The following EXOC6B variants were observed in gnomAD, a reference collection of about 807,000 sequenced individuals.
EXOC6B encodes SEC15 homolog B.
Under a neutral mutation model 113.5 loss-of-function variants are expected in EXOC6B, and 54 were observed. The ratio of observed to expected loss-of-function variants is 0.48; its 90% confidence interval spans 0.38 to 0.60. The LOEUF (loss-of-function observed/expected upper bound fraction) is 0.60, where lower values mean the gene tolerates loss of function less well. EXOC6B is among the 20% of genes least tolerant of loss of function. The pLI is 0.00. For missense variants in EXOC6B, 797 were observed against 977.5 expected (o/e 0.82, Z 2.46); for synonymous variants, 357 against 339.0 (o/e 1.05, Z -0.58).
At chr2:72,586,247 T>C (rs1705560846) in intron 6 of EXOC6B, among the ~76,000 whole-genome samples, 1 of 151,912 alleles carries the variant, frequency 6.6e-6, no homozygotes, top group South Asian at 2.1e-4. Flanking sequence ...AATTGATAAA[T>C]AGGACCTAAT....
chr2:72,199,044 C>A (rs915188731), intron 20 of EXOC6B, among the ~76,000 whole-genome samples: 2 of 152,122 alleles, frequency 1.3e-5, no homozygotes, highest in Non-Finnish European at 2.9e-5. Flanking sequence ...CAGGAAGCAA[C>A]AGAATTCACT....
Position 72,825,783 on chromosome 2 carries a change from C to A in EXOC6B, c.113+15G>T. 6.2e-7 allele frequency: 1 copy of A among 1,610,246 alleles called. No homozygotes were observed. Among genetic ancestry groups the A allele is most frequent in the Non-Finnish European group, 8.5e-7 (1 of 1,178,752 alleles). ...GCCCGTTCCCGCCCCTCTGTGGTCC[C>A]GGCACCCGGGGTACCTGAGCGTGGG... is the stretch of plus-strand genomic sequence containing the variant. On this transcript the variant is annotated intron_variant, in intron 1 of 21. Transcript: ENST00000272427. The surrounding 1 kb of genome is among the most constrained non-coding windows in gnomAD (Gnocchi z 4.4).
chr2:72,682,443 C>A (rs545880110), intron 6 of EXOC6B, among the ~76,000 whole-genome samples: 3 of 152,188 alleles, frequency 2.0e-5, no homozygotes, highest in East Asian at 3.9e-4. Flanking sequence ...ATATTCTCTA[C>A]CTCCTTTTCT....
intron 16 of EXOC6B, among the ~76,000 whole-genome samples, chr2:72,484,826 A>C (rs576019491): frequency 6.6e-6 from 1 of 152,190 alleles, no homozygotes; most frequent in Non-Finnish European, 1.5e-5. Context: ...TATATGTACC[A>C]CATTTTCTTT....
chr2:72,389,122 GCT>G (rs1156701798), intron 18 of EXOC6B, among the ~76,000 whole-genome samples: 7 of 151,960 alleles, frequency 4.6e-5, no homozygotes, highest in Non-Finnish European at 8.8e-5. Flanking sequence ...TGTCTAATCT[GCT>G]CTGTTTCCTT....
At chr2:72,691,475 C>A (rs1321892693) in intron 6 of EXOC6B, among the ~76,000 whole-genome samples, 2 of 151,766 alleles carry the variant, frequency 1.3e-5, no homozygotes, top group Admixed American at 1.3e-4. Context: ...GAACACACAA[C>A]ATAGTTTAGC....
Position 72,585,337 on chromosome 2 carries a change from C to A in EXOC6B, c.670-9669G>T, listed in dbSNP as rs142860810. On this transcript the variant is annotated intron_variant, in intron 6 of 21. Coordinates refer to ENST00000272427, the MANE Select transcript of EXOC6B (RefSeq NM_015189.3). ...AGATGGCCAGGTGCAGTGGCTCATG[C>A]CTGTAATCCCAGCATTTTGGGAGGC... 5.6e-4 allele frequency among the ~76,000 whole-genome samples: 85 copies of A among 152,246 alleles called. 2 individuals carry two copies. Among genetic ancestry groups the A allele is most frequent in the African/African-American group, 2.0e-3 (82 of 41,548 alleles).
chr2:72,619,299 A>G (rs1467709843), intron 6 of EXOC6B, among the ~76,000 whole-genome samples: 3 of 152,158 alleles, frequency 2.0e-5, no homozygotes, highest in Non-Finnish European at 4.4e-5. Context: ...TGATTAAAAG[A>G]GTCGAGTTGG....
intron 2 of EXOC6B, among the ~76,000 whole-genome samples, chr2:72,733,869 C>T (rs1022253122): frequency 1.3e-5 from 2 of 152,186 alleles, no homozygotes; most frequent in Non-Finnish European, 2.9e-5. Flanking sequence ...TAGCCTTCCA[C>T]CAGTAATTGC....
intron 18 of EXOC6B, among the ~76,000 whole-genome samples, chr2:72,433,577 T>A (rs1695675443): frequency 6.6e-6 from 1 of 152,226 alleles, no homozygotes; most frequent in Non-Finnish European, 1.5e-5. Flanking sequence ...CCTCTCTTAT[T>A]TCCTTGAGCA....
intron 1 of EXOC6B, among the ~76,000 whole-genome samples, chr2:72,768,027 G>T (rs1387649081): frequency 6.8e-6 from 1 of 147,834 alleles, no homozygotes; most frequent in African/African-American, 2.5e-5. Context: ...TGAGGCAGGA[G>T]AATCACATGA....
At chr2:72,453,636 A>G (rs1007699562) in intron 18 of EXOC6B, among the ~76,000 whole-genome samples, 3 of 152,210 alleles carry the variant, frequency 2.0e-5, no homozygotes, top group Non-Finnish European at 4.4e-5. Flanking sequence ...TTCACTGAAT[A>G]ATAGTATTAA....
At chr2:72,808,574 C>T (rs1441156632) in intron 1 of EXOC6B, among the ~76,000 whole-genome samples, 2 of 152,172 alleles carry the variant, frequency 1.3e-5, no homozygotes, top group Non-Finnish European at 1.5e-5. Flanking sequence ...GCCCGGGTAA[C>T]ATAATGAGGC....
intron 19 of EXOC6B, among the ~76,000 whole-genome samples, chr2:72,361,590 T>G (rs1480971784): frequency 6.6e-6 from 1 of 152,114 alleles, no homozygotes; most frequent in Non-Finnish European, 1.5e-5. Flanking sequence ...GAAAACAAAA[T>G]TAAGTAGGCA....
At chr2:72,274,889 T>C in intron 20 of EXOC6B, among the ~76,000 whole-genome samples, 1 of 152,152 alleles carries the variant, frequency 6.6e-6, no homozygotes, top group East Asian at 1.9e-4. Context: ...ATTTTTTTGC[T>C]TTTATAAAGT....
chr2:72,415,738 C>G lies in EXOC6B; in HGVS notation c.1981-35868G>C, dbSNP rs563833636. Among the ~76,000 whole-genome samples the G allele has an allele frequency of 5.9e-5, 9 of 152,186 alleles. No individual in the cohort carries two copies. The South Asian group carries it at 1.7e-3, about 28-fold the overall frequency. On this transcript the variant is annotated intron_variant, in intron 18 of 21. Coordinates refer to ENST00000272427, the MANE Select transcript of EXOC6B (RefSeq NM_015189.3). ...AGTGAAATTTCTGACTATGCATTGACCTCATCACAAAGCGATTATGATCAT... is the reference window on the plus strand; with the variant it reads ...AGTGAAATTTCTGACTATGCATTGAGCTCATCACAAAGCGATTATGATCAT...
chr2:72,807,990 T>G (rs1190423132), intron 1 of EXOC6B, among the ~76,000 whole-genome samples: 1 of 152,206 alleles, frequency 6.6e-6, no homozygotes, highest in Non-Finnish European at 1.5e-5. Flanking sequence ...GATAAACGCT[T>G]GAGGGGATGG....
chr2:72,367,616 T>C (rs887601071), intron 19 of EXOC6B, among the ~76,000 whole-genome samples: 7 of 151,746 alleles, frequency 4.6e-5, no homozygotes, highest in African/African-American at 1.7e-4. Flanking sequence ...TTTTACATCA[T>C]ATCGCTAAAA....
intron 20 of EXOC6B, among the ~76,000 whole-genome samples, chr2:72,273,240 T>C (rs1300389285): frequency 6.6e-6 from 1 of 152,212 alleles, no homozygotes. Context: ...TCTAAGCATC[T>C]ATCTCGTTGG....
Sources: allele counts gnomAD v4.1 joint callset (sites outside exome capture counted in the v4.1 genomes callset), GRCh38; gene constraint gnomAD v4.1.1; non-coding constraint Gnocchi (gnomAD v3.1); transcripts MANE v1.5; gene names NCBI Gene and HGNC (gene_info 2026-07-23, HGNC 2026-07-21).